RPL39L: variants seen among roughly 807,000 people sequenced by gnomAD.
RPL39L encodes the protein ribosomal protein L39 like.
For synonymous variants in RPL39L, 16 were observed against 20.1 expected (o/e 0.80, Z 0.55); for missense variants, 48 against 58.9 (o/e 0.81, Z 0.61).
chr3:187,123,336 G>T (rs764208070), intron 2 of RPL39L, among the ~76,000 whole-genome samples: 3 of 152,192 alleles, frequency 2.0e-5, no homozygotes, highest in Non-Finnish European at 4.4e-5. Flanking sequence ...GGAGTCTACA[G>T]GTTACGAGAA....
chr3:187,131,072 T>C (rs1039326733), intron 1 of RPL39L, among the ~76,000 whole-genome samples: 4 of 152,158 alleles, frequency 2.6e-5, no homozygotes, highest in Admixed American at 6.5e-5. Context: ...AAAATCAAAG[T>C]GGTATTTAAA....
At chr3:187,135,242 T>C (rs35325027) in intron 1 of RPL39L, among the ~76,000 whole-genome samples, 28,864 of 152,130 alleles carry the variant, frequency 0.19, 3,211 homozygotes, top group Non-Finnish European at 0.2. Context: ...TTCAGAAGCA[T>C]AGCTGAGACT....
At chr3:187,122,535 C>T (rs1720331172) in intron 2 of RPL39L, among the ~76,000 whole-genome samples, 1 of 152,146 alleles carries the variant, frequency 6.6e-6, no homozygotes, top group African/African-American at 2.4e-5. Context: ...TTATGGCTCA[C>T]TGTTGTGAGA....
intron 2 of RPL39L, among the ~76,000 whole-genome samples, chr3:187,124,409 T>C (rs865826832): frequency 2.6e-4 from 40 of 152,174 alleles, no homozygotes; most frequent in African/African-American, 7.2e-5. Flanking sequence ...CTGCTGCAGT[T>C]GAAAGAAAGC....
chr3:187,121,127 C>T lies in RPL39L; in HGVS notation c.*18G>A, dbSNP rs1447486372. ...CTTGATACAGCATAAATATGTGTGCCATCTCATGTGCAATTCCTTATAGAC... is the reference window on the plus strand; with the variant it reads ...CTTGATACAGCATAAATATGTGTGCTATCTCATGTGCAATTCCTTATAGAC... On this transcript the variant is annotated 3_prime_UTR_variant, in exon 3 of 3. Coordinates refer to ENST00000296277, the MANE Select transcript of RPL39L (RefSeq NM_052969.3). The T allele has an allele frequency of 6.2e-7, 1 of 1,612,118 alleles. No homozygotes were observed. Among genetic ancestry groups the T allele is most frequent in the Non-Finnish European group, 8.5e-7 (1 of 1,179,380 alleles).
rs1362750015 is a variant in RPL39L, at chr3:187,134,496, A to AAAAAAAAAAAAAAAAAAAAG, written c.-93+4716_-93+4717insCTTTTTTTTTTTTTTTTTTT. ...TAGCCTGACTGATAAAAAAAAAAAA[A>AAAAAAAAAAAAAAAAAAAAG]AAAAAAGAAGACACAAATTACCAAC... On this transcript the variant is annotated intron_variant, in intron 1 of 2. Coordinates refer to ENST00000296277, the MANE Select transcript of RPL39L (RefSeq NM_052969.3). 3.3e-5 allele frequency among the ~76,000 whole-genome samples: 5 copies of AAAAAAAAAAAAAAAAAAAAG among 150,890 alleles called. No individual in the cohort carries two copies. In the East Asian group the frequency reaches 6.1e-4, roughly 19 times the overall value.
intron 1 of RPL39L, among the ~76,000 whole-genome samples, chr3:187,131,502 C>T (rs1020623979): frequency 6.6e-6 from 1 of 152,208 alleles, no homozygotes; most frequent in African/African-American, 2.4e-5. Flanking sequence ...CGCCACTGCA[C>T]TCCAGCCTGG....
intron 1 of RPL39L, among the ~76,000 whole-genome samples, chr3:187,134,686 G>A (rs1429172490): frequency 2.0e-5 from 3 of 152,168 alleles, no homozygotes; most frequent in African/African-American, 7.2e-5. Flanking sequence ...TCATGTAAGT[G>A]CATAACCTAA....
In RPL39L at chr3:187,121,123, G is replaced by A; in HGVS notation, c.*22C>T. The A allele has an allele frequency of 6.2e-7, 1 of 1,611,748 alleles. No individual in the cohort carries two copies. Among genetic ancestry groups the A allele is most frequent in the East Asian group, 2.2e-5 (1 of 44,868 alleles). ...TGAACTTGATACAGCATAAATATGT[G>A]TGCCATCTCATGTGCAATTCCTTAT... On this transcript the variant is annotated 3_prime_UTR_variant, in exon 3 of 3. Transcript: ENST00000296277.
intron 1 of RPL39L, among the ~76,000 whole-genome samples, chr3:187,135,655 T>C (rs1227442128): frequency 6.6e-6 from 1 of 152,206 alleles, no homozygotes; most frequent in Non-Finnish European, 1.5e-5. Context: ...AAGCAGTGAA[T>C]AGGCAAAACA....
chr3:187,125,743 C>G (rs993068745), intron 2 of RPL39L, among the ~76,000 whole-genome samples: 5 of 152,172 alleles, frequency 3.3e-5, no homozygotes, highest in Non-Finnish European at 2.9e-5. Context: ...TGGCTCTGGT[C>G]TCTCTGGTTG....
At chr3:187,126,398 A>G (rs1720398532) in intron 2 of RPL39L, among the ~76,000 whole-genome samples, 1 of 152,110 alleles carries the variant, frequency 6.6e-6, no homozygotes, top group East Asian at 1.9e-4. Context: ...TCCTGACCTC[A>G]GGCGATCTGC....
intron 2 of RPL39L, among the ~76,000 whole-genome samples, chr3:187,125,521 C>A (rs1228978071): frequency 6.6e-6 from 1 of 152,000 alleles, no homozygotes; most frequent in East Asian, 1.9e-4. Context: ...TGCACTCAGA[C>A]AAGAAGAAGC....
intron 2 of RPL39L, among the ~76,000 whole-genome samples, chr3:187,124,470 A>G (rs2108467354): frequency 6.6e-6 from 1 of 152,310 alleles, no homozygotes; most frequent in East Asian, 1.9e-4. Context: ...ATCAGATGCA[A>G]TCATACTTGG....
chr3:187,132,226 T>C (rs1720498688), intron 1 of RPL39L, among the ~76,000 whole-genome samples: 1 of 152,224 alleles, frequency 6.6e-6, no homozygotes, highest in Admixed American at 6.5e-5. Flanking sequence ...TACATGCATG[T>C]GTCACACACA....
rs141474558 is a variant in RPL39L, at chr3:187,121,524, G to C, written c.-28-196C>G. ...TCTGAGGAGTCTGATGGCTGTTCTG[G>C]TGGATCAGCAGCAAAGGCAGGAGTC... On this transcript the variant is annotated intron_variant, in intron 2 of 2. Transcript: ENST00000296277. 1.1e-3 allele frequency among the ~76,000 whole-genome samples: 175 copies of C among 152,302 alleles called. 4 individuals carry two copies. In the East Asian group the frequency reaches 0.03, roughly 26 times the overall value.
At chr3:187,138,558 G>A (rs1283146837) in intron 1 of RPL39L, among the ~76,000 whole-genome samples, 2 of 152,226 alleles carry the variant, frequency 1.3e-5, no homozygotes, top group Non-Finnish European at 2.9e-5. Flanking sequence ...AGCAGATGAG[G>A]CAGATAGGTA....
chr3:187,121,140 A>G lies in RPL39L; in HGVS notation c.*5T>C. ...AAATATGTGTGCCATCTCATGTGCA[A>G]TTCCTTATAGACCCAGCTTGGTTCT... On this transcript the variant is annotated 3_prime_UTR_variant, in exon 3 of 3. Transcript: ENST00000296277. The G allele has an allele frequency of 1.9e-6, 3 of 1,613,262 alleles. No individual in the cohort carries two copies. Among genetic ancestry groups the G allele is most frequent in the Non-Finnish European group, 2.5e-6 (3 of 1,179,768 alleles).
At chr3:187,134,163 A>G (rs1232800897) in intron 1 of RPL39L, among the ~76,000 whole-genome samples, 1 of 152,164 alleles carries the variant, frequency 6.6e-6, no homozygotes, top group Non-Finnish European at 1.5e-5. Context: ...AGACAGCAAC[A>G]TGAATGACCA....
Sources: gnomAD v4.1 joint callset for allele counts (sites outside exome capture counted in the v4.1 genomes callset) on GRCh38, gnomAD v4.1.1 for gene constraint, MANE v1.5 for transcripts, NCBI Gene and HGNC (gene_info 2026-07-23, HGNC 2026-07-21) for gene names.